Variants in EPC2 observed in about 807,000 individuals in gnomAD.
EPC2 encodes enhancer of polycomb homolog 2.
A neutral mutation model predicts 92.1 loss-of-function variants in EPC2; 14 were observed. The ratio of observed to expected loss-of-function variants is 0.15; its 90% CI spans 0.10 to 0.24. The LOEUF (loss-of-function observed/expected upper bound fraction) is 0.24. Among genes scored for constraint, EPC2 ranks in the 10% least tolerant of loss-of-function variants. The probability of loss-of-function intolerance (pLI) is 1.00; values close to 1 mark genes in which losing one functional copy is unlikely to be tolerated. For missense variants in EPC2, 755 were observed against 971.5 expected (o/e 0.78, Z 2.96); for synonymous variants, 340 against 334.7 (o/e 1.02, Z -0.17).
At chr2:148,668,334 A>G (rs765356977) in intron 1 of EPC2, among the ~76,000 whole-genome samples, 2 of 152,042 alleles carry the variant, frequency 1.3e-5, no homozygotes, top group East Asian at 1.9e-4. Context: ...ATTGGATTCT[A>G]TTTGCTACAT....
intron 2 of EPC2, among the ~76,000 whole-genome samples, chr2:148,717,193 ATTTTT>A (rs61215161): frequency 2.0e-5 from 2 of 100,898 alleles, no homozygotes; most frequent in African/African-American, 7.4e-5. Flanking sequence ...GGATTCATTG[ATTTTT>A]TTTTTTTTTT....
chr2:148,727,706 G>A (rs16829194), intron 2 of EPC2, among the ~76,000 whole-genome samples: 30,091 of 152,140 alleles, frequency 0.2, 3,629 homozygotes, highest in East Asian at 0.49. Flanking sequence ...GAAAGATACT[G>A]GGTTTGAACA....
At chr2:148,661,522 T>G (rs4972289) in intron 1 of EPC2, among the ~76,000 whole-genome samples, 2 of 152,122 alleles carry the variant, frequency 1.3e-5, no homozygotes, top group Non-Finnish European at 2.9e-5. Flanking sequence ...CTGTTGTGTT[T>G]GCAAATACTT....
At chr2:148,659,160 CT>C (rs1680883307) in intron 1 of EPC2, among the ~76,000 whole-genome samples, 1 of 152,074 alleles carries the variant, frequency 6.6e-6, no homozygotes, top group South Asian at 2.1e-4. Flanking sequence ...AAATCTTCAT[CT>C]TATGTCAGGG....
At position 148,761,937 on chromosome 2, in the gene EPC2, T is replaced by C; in HGVS notation, c.815+7T>C. 6.3e-7 allele frequency: 1 copy of C among 1,575,510 alleles called. No individual in the cohort carries two copies. Among genetic ancestry groups the C allele is most frequent in the Non-Finnish European group, 8.6e-7 (1 of 1,167,426 alleles). ...TAGAAGTTGTGGAGAAAAGGTAACATTGCTCCTGTTACAACAGTAAAATGA... is the reference window on the plus strand; with the variant it reads ...TAGAAGTTGTGGAGAAAAGGTAACACTGCTCCTGTTACAACAGTAAAATGA... On this transcript the variant is annotated splice_region_variant and intron_variant, in intron 5 of 13. Coordinates refer to ENST00000258484, the MANE Select transcript of EPC2 (RefSeq NM_015630.4).
At chr2:148,697,572 G>C (rs1669517669) in intron 2 of EPC2, among the ~76,000 whole-genome samples, 1 of 152,158 alleles carries the variant, frequency 6.6e-6, no homozygotes, top group Admixed American at 6.5e-5. Context: ...TACTGAAAGG[G>C]AGTGAATTTT....
At chr2:148,765,443 T>C (rs1156246263) in intron 7 of EPC2, among the ~76,000 whole-genome samples, 4 of 152,188 alleles carry the variant, frequency 2.6e-5, no homozygotes, top group African/African-American at 7.2e-5. Flanking sequence ...ATTGAATTAC[T>C]AGTTACTAAC....
chr2:148,758,576 A>G (rs1683238691), intron 4 of EPC2, among the ~76,000 whole-genome samples: 2 of 151,944 alleles, frequency 1.3e-5, no homozygotes, highest in South Asian at 4.2e-4. Context: ...TTGTATTTTT[A>G]GTGGAGACGG....
intron 10 of EPC2, among the ~76,000 whole-genome samples, chr2:148,771,725 A>C (rs1264753242): frequency 2.0e-5 from 3 of 152,168 alleles, no homozygotes; most frequent in Non-Finnish European, 4.4e-5. Context: ...ACTTTCATTA[A>C]ATGTAACCAT....
intron 1 of EPC2, among the ~76,000 whole-genome samples, chr2:148,678,076 G>A (rs1681308360): frequency 1.3e-5 from 2 of 152,164 alleles, no homozygotes; most frequent in South Asian, 2.1e-4. Flanking sequence ...AGAGCTGAGT[G>A]GTCTGTTTTG....
intron 10 of EPC2, among the ~76,000 whole-genome samples, chr2:148,773,561 G>C (rs1683568369): frequency 6.6e-6 from 1 of 151,992 alleles, no homozygotes. Flanking sequence ...AAAAGATTTT[G>C]TTTGAACTCA....
chr2:148,766,731 A>G (rs751932464), intron 7 of EPC2, among the ~76,000 whole-genome samples: 8 of 152,362 alleles, frequency 5.3e-5, no homozygotes, highest in Middle Eastern at 6.8e-3. Flanking sequence ...TAATACCCAG[A>G]TGGCAGATAG....
chr2:148,696,276 T>C lies in EPC2; in HGVS notation c.313+5903T>C, dbSNP rs114614383. Among the ~76,000 whole-genome samples, 629 of 152,320 alleles carry C rather than the reference T, an allele frequency of 4.1e-3. 2 individuals are homozygous for C. The highest frequency in any genetic ancestry group is 0.015 in the African/African-American group (611 of 41,578). ...CTAGTTTGGACAACACAGTGAGACC[T>C]TGTCACTACAGGAGAAAAAAAAGGT... On this transcript the variant is annotated intron_variant, in intron 2 of 13. Transcript: ENST00000258484.
At chr2:148,767,818 A>G (rs1574632051) in intron 7 of EPC2, among the ~76,000 whole-genome samples, 1 of 152,278 alleles carries the variant, frequency 6.6e-6, no homozygotes, top group Admixed American at 6.5e-5. Flanking sequence ...CGTAGTTAGG[A>G]GGAAGGGGTG....
chr2:148,653,432 C>T (rs891441573), intron 1 of EPC2, among the ~76,000 whole-genome samples: 6 of 152,126 alleles, frequency 3.9e-5, no homozygotes, highest in African/African-American at 1.4e-4. Flanking sequence ...AGTTGATCAT[C>T]GATTATTTGC....
intron 1 of EPC2, among the ~76,000 whole-genome samples, chr2:148,658,882 G>A (rs1278905563): frequency 6.6e-6 from 1 of 151,828 alleles, no homozygotes; most frequent in African/African-American, 2.4e-5. Flanking sequence ...AGATATATAT[G>A]TATATCTTTT....
In EPC2 at chr2:148,735,360, ATTTG is replaced by A. The variant is rs1682729496; in HGVS notation, c.314-8259_314-8256del. Among the ~76,000 whole-genome samples, 3 of 152,062 alleles carry A rather than the reference ATTTG, an allele frequency of 2.0e-5. No individual in the cohort carries two copies. In the South Asian group the frequency reaches 6.2e-4, roughly 31 times the overall value. ...GTCAGTTTGATGGGTATGAATTGGTATTTGTTGATTTAAATTTGCCTCTTATCAA... is the reference window on the plus strand; with the variant it reads ...GTCAGTTTGATGGGTATGAATTGGTATTGATTTAAATTTGCCTCTTATCAA... On this transcript the variant is annotated intron_variant, in intron 2 of 13. Coordinates refer to ENST00000258484, the MANE Select transcript of EPC2 (RefSeq NM_015630.4).
chr2:148,684,272 T>C (rs1681468485), intron 1 of EPC2, among the ~76,000 whole-genome samples: 1 of 152,262 alleles, frequency 6.6e-6, no homozygotes, highest in South Asian at 2.1e-4. Context: ...GTTAGATGCA[T>C]AGTTTGCAAA....
At chr2:148,730,841 C>T (rs1682604991) in intron 2 of EPC2, among the ~76,000 whole-genome samples, 1 of 152,160 alleles carries the variant, frequency 6.6e-6, no homozygotes, top group Non-Finnish European at 1.5e-5. Context: ...TACAACAGCA[C>T]TATTGCTAGA....
Sources: allele counts gnomAD v4.1 joint callset (sites outside exome capture counted in the v4.1 genomes callset), GRCh38; gene constraint gnomAD v4.1.1; transcripts MANE v1.5; gene names NCBI Gene and HGNC (gene_info 2026-07-23, HGNC 2026-07-21).